The following PARVB variants were observed in gnomAD, a reference collection of about 807,000 sequenced individuals.
The protein encoded by PARVB is beta-parvin.
In PARVB, 46 loss-of-function variants were observed where a neutral mutation model predicts 47.0. The observed-to-expected ratio is 0.98, with a 90% CI of 0.77 to 1.25. The LOEUF is 1.25. PARVB is among the 50% of genes most tolerant of loss of function. The probability of loss-of-function intolerance (pLI) is 0.00; values close to 1 mark genes in which losing one functional copy is unlikely to be tolerated. For synonymous variants in PARVB, 196 were observed against 196.3 expected, an observed-to-expected ratio of 1.00 and a Z score of 0.01; for missense variants, 473 against 471.6, an observed-to-expected ratio of 1.00 and a Z score of -0.03.
intron 1 of PARVB, among the ~76,000 whole-genome samples, chr22:44,026,743 C>A (rs1264882450): frequency 6.6e-6 from 1 of 151,588 alleles, no homozygotes; most frequent in African/African-American, 2.4e-5. Flanking sequence ...CCGTCGGCTT[C>A]ATTTCCTCCT....
At chr22:44,137,692 T>C (rs980064335) in intron 7 of PARVB, among the ~76,000 whole-genome samples, 3 of 152,164 alleles carry the variant, frequency 2.0e-5, no homozygotes, top group Non-Finnish European at 4.4e-5. Flanking sequence ...GGGCTCCCCC[T>C]ACCTCTGGTG....
chr22:44,024,633 C>G (rs1269072687), intron 1 of PARVB, among the ~76,000 whole-genome samples, 182 bp downstream of exon 1: 1 of 151,978 alleles, frequency 6.6e-6, no homozygotes, highest in East Asian at 1.9e-4. Flanking sequence ...CGGCCGGGAC[C>G]TGGCGCGTGG....
chr22:44,074,181 G>A (rs1287879024), intron 1 of PARVB, among the ~76,000 whole-genome samples: 2 of 152,226 alleles, frequency 1.3e-5, no homozygotes, highest in Non-Finnish European at 2.9e-5. Flanking sequence ...GTCCTCTGAG[G>A]CTGGCCAAGG....
chr22:44,018,876 T>C (rs2050613475), intron 2 of PARVB, among the ~76,000 whole-genome samples: 1 of 151,696 alleles, frequency 6.6e-6, no homozygotes. Context: ...TCCATTTGCA[T>C]TGCTATAAAG....
chr22:44,122,562 C>CACAGAG (rs2053087765), intron 4 of PARVB, among the ~76,000 whole-genome samples: 1 of 78,786 alleles, frequency 1.3e-5, no homozygotes, highest in Non-Finnish European at 2.4e-5. Flanking sequence ...GACACAGAGA[C>CACAGAG]AGAGAGAGAG....
At chr22:44,036,123 G>A (rs558163785) in intron 1 of PARVB, among the ~76,000 whole-genome samples, 1 of 152,238 alleles carries the variant, frequency 6.6e-6, no homozygotes, top group Admixed American at 6.5e-5. Flanking sequence ...CAGGCGTGGT[G>A]GTGGGCACCT....
chr22:44,157,582 C>T (rs1372674525), intron 10 of PARVB, among the ~76,000 whole-genome samples: 2 of 152,108 alleles, frequency 1.3e-5, no homozygotes, highest in East Asian at 1.9e-4. Flanking sequence ...GATTGCTTTA[C>T]TTTAAAATAT....
chr22:44,144,238 T>G (rs1388918416), intron 8 of PARVB: 1 of 152,246 alleles, frequency 6.6e-6, no homozygotes, highest in Non-Finnish European at 1.5e-5. Flanking sequence ...GGTCCCAGAC[T>G]CAGGTGTCTC....
intron 1 of PARVB, among the ~76,000 whole-genome samples, chr22:44,078,380 C>T (rs1569096172): frequency 6.6e-6 from 1 of 152,194 alleles, no homozygotes; most frequent in South Asian, 2.1e-4. Flanking sequence ...ATTAAATCCA[C>T]AGCATGGACT....
Position 44,171,061 on chromosome 22 carries a change from TG to T in PARVB, c.*2387del. ...TCAAAAGCCACACTGACAAAAAGCC[TG>T]GGGCTGGAACGTTCTGTGCTGCCTG... On this transcript the variant is annotated 3_prime_UTR_variant, in exon 13 of 13. Coordinates refer to ENST00000338758, the MANE Select transcript of PARVB (RefSeq NM_013327.5). The T allele has an allele frequency of 6.6e-6, 1 of 152,404 alleles. No homozygotes were observed. Among genetic ancestry groups the T allele is most frequent in the Non-Finnish European group, 1.5e-5 (1 of 68,078 alleles). 9.4% of individuals were successfully genotyped at this position (152,404 alleles called of 1,614,324 possible). A position where few individuals can be genotyped will look rare whatever the true frequency, so the allele number is the denominator to read the frequency against.
intron 4 of PARVB, among the ~76,000 whole-genome samples, chr22:44,128,158 A>G (rs1223714933): frequency 6.6e-6 from 1 of 152,186 alleles, no homozygotes; most frequent in Non-Finnish European, 1.5e-5. Flanking sequence ...CTGGGGGTGT[A>G]GCTCCCCTGT....
chr22:44,166,298 T>C (rs1430743114), intron 12 of PARVB, among the ~76,000 whole-genome samples: 2 of 152,186 alleles, frequency 1.3e-5, no homozygotes, highest in Non-Finnish European at 2.9e-5. Context: ...TTAGTAGAGA[T>C]GGGGTTTCAC....
At chr22:44,099,914 C>T (rs893245883) in intron 2 of PARVB, 139 bp from the exon 3 acceptor site, 8 of 675,888 alleles carry the variant, frequency 1.2e-5, no homozygotes, top group Admixed American at 1.2e-4. Flanking sequence ...TTCCAGAAGG[C>T]GGTTCCTTGC....
chr22:44,141,458 G>C (rs950528398), intron 8 of PARVB: 78 of 152,350 alleles, frequency 5.1e-4, no homozygotes, highest in African/African-American at 1.8e-3. Flanking sequence ...GACTAAGCCA[G>C]TCTAGTCTTT....
intron 1 of PARVB, among the ~76,000 whole-genome samples, chr22:44,047,011 T>TC: frequency 6.6e-6 from 1 of 152,064 alleles, no homozygotes; most frequent in Admixed American, 6.5e-5. Context: ...TTGTCTTCCT[T>TC]CCCCCACCGG....
intron 1 of PARVB, among the ~76,000 whole-genome samples, chr22:44,073,775 C>A (rs532817441): frequency 1.3e-5 from 2 of 152,368 alleles, no homozygotes; most frequent in Admixed American, 1.3e-4. Context: ...GCCAAGGCAG[C>A]GGTTCTGGGA....
intron 11 of PARVB, 86 bp from the exon 12 acceptor site, chr22:44,163,772 G>C: frequency 8.4e-7 from 1 of 1,191,020 alleles, no homozygotes; most frequent in African/African-American, 1.5e-5. Flanking sequence ...GCTCGGTCCT[G>C]TCCATGCCGG....
At position 44,066,795 on chromosome 22, in the gene PARVB, C is replaced by CCTTCTCCTCCTCCTCCTCCTCCTCCTT. The variant is rs1569087930; in HGVS notation, c.113-27131_113-27130insTCTCCTCCTCCTCCTCCTCCTCCTTCT. 5.0e-5 allele frequency among the ~76,000 whole-genome samples: 7 copies of CCTTCTCCTCCTCCTCCTCCTCCTCCTT among 140,238 alleles called. 1 individual carries two copies. Among genetic ancestry groups the CCTTCTCCTCCTCCTCCTCCTCCTCCTT allele is most frequent in the African/African-American group, 1.9e-4 (7 of 36,242 alleles). The allele number at this position is 140,238 out of a possible 152,430, so 92.0% of individuals were successfully genotyped here. A position where few individuals can be genotyped will look rare whatever the true frequency, so the allele number is the denominator to read the frequency against. On this transcript the variant is annotated intron_variant, in intron 1 of 12. Transcript: ENST00000338758. ...CTTAATTATTTCTCCTCCTCCTCCTCCTCCTCCTCCTCCTCCTCCTCCTCC... is the reference window on the plus strand; with the variant it reads ...CTTAATTATTTCTCCTCCTCCTCCTCCTTCTCCTCCTCCTCCTCCTCCTCCTTCTCCTCCTCCTCCTCCTCCTCCTCC...
intron 9 of PARVB, chr22:44,148,752 GATTT>G (rs1186180557): frequency 6.6e-6 from 1 of 152,184 alleles, no homozygotes; most frequent in Non-Finnish European, 1.5e-5. Flanking sequence ...TTTATAGTGG[GATTT>G]ATTTATCTAT....
Sources: allele counts gnomAD v4.1 joint callset (sites outside exome capture counted in the v4.1 genomes callset), GRCh38; gene constraint gnomAD v4.1.1; transcripts MANE v1.5; gene names NCBI Gene and HGNC (gene_info 2026-07-23, HGNC 2026-07-21).